Variants in SGMS1 observed in about 807,000 individuals in gnomAD.
SGMS1 encodes sphingomyelin synthase 1.
SGMS1 carries 13 observed loss-of-function variants against 46.2 expected under a neutral mutation model. The ratio of observed to expected loss-of-function variants is 0.28; its 90% confidence interval spans 0.18 to 0.45. SGMS1 has a LOEUF of 0.45. Among genes scored for constraint, SGMS1 ranks in the 20% least tolerant of loss-of-function variants. SGMS1 has a pLI of 1.00. For missense variants in SGMS1, 324 were observed against 519.9 expected (o/e 0.62, Z 3.66); for synonymous variants, 203 against 187.8 (o/e 1.08, Z -0.66).
At chr10:50,420,062 T>C (rs1005136135) in intron 6 of SGMS1, among the ~76,000 whole-genome samples, 2 of 152,144 alleles carry the variant, frequency 1.3e-5, no homozygotes, top group Non-Finnish European at 2.9e-5. Flanking sequence ...GTGTTTCCAG[T>C]TGGAAACCAA....
At chr10:50,435,601 A>G (rs192131523) in intron 5 of SGMS1, among the ~76,000 whole-genome samples, 1 of 152,340 alleles carries the variant, frequency 6.6e-6, no homozygotes, top group African/African-American at 2.4e-5. Flanking sequence ...CATTCTTCAT[A>G]TCAATACTGA....
At chr10:50,350,717 T>C (rs891403701) in intron 6 of SGMS1, among the ~76,000 whole-genome samples, 2 of 152,176 alleles carry the variant, frequency 1.3e-5, no homozygotes, top group African/African-American at 4.8e-5. Flanking sequence ...GTGTTGAGCC[T>C]GCGGGTGCAC....
intron 3 of SGMS1, among the ~76,000 whole-genome samples, chr10:50,516,485 A>G (rs183972190): frequency 2.6e-4 from 40 of 152,350 alleles, no homozygotes; most frequent in African/African-American, 9.4e-4. Context: ...TGGGAGGCAT[A>G]ACAAATTGGT....
chr10:50,548,660 C>T (rs1470117900), intron 2 of SGMS1, among the ~76,000 whole-genome samples: 1 of 152,142 alleles, frequency 6.6e-6, no homozygotes, highest in African/African-American at 2.4e-5. Flanking sequence ...GCAAAGATTT[C>T]ATGACGAAAT....
chr10:50,548,360 G>A (rs551549987), intron 2 of SGMS1, among the ~76,000 whole-genome samples: 7 of 152,248 alleles, frequency 4.6e-5, no homozygotes, highest in South Asian at 4.1e-4. Flanking sequence ...TACAAAAACA[G>A]ACACATAAAC....
chr10:50,435,900 T>C (rs1849468052), intron 5 of SGMS1, among the ~76,000 whole-genome samples: 1 of 152,360 alleles, frequency 6.6e-6, no homozygotes, highest in Admixed American at 6.5e-5. Flanking sequence ...CCAGTGATGC[T>C]GACTGCTCAG....
chr10:50,588,952 A>G (rs1838513441), intron 2 of SGMS1, among the ~76,000 whole-genome samples: 1 of 151,846 alleles, frequency 6.6e-6, no homozygotes, highest in Admixed American at 6.6e-5. Flanking sequence ...GCAGGTCTTA[A>G]ACTCCTGACT....
At position 50,311,402 on chromosome 10, in the gene SGMS1, C is replaced by G; in HGVS notation, c.755G>C (p.Trp252Ser). Residue 252 changes from tryptophan to serine, a missense_variant, in exon 9 of 11, where the codon TGG (tryptophan) becomes TCG (serine). Physicochemically the swap from Trp to Ser is radical, Grantham distance 177. This residue lies in a region of SGMS1 where 174 missense variants were observed against 350.1 expected (regional missense o/e 0.50). Transcript: ENST00000361781. ...FNCSPKLFGD[W>S]EAQLRRIMKL... The stretch of plus-strand genomic sequence containing the variant: ...CATTATTCTTCGCAGTTGGGCTTCC[C>G]AGTCTCCGAAAAGCTGGCAGAAAAA... 1 of 1,613,276 alleles carries G rather than the reference C, an allele frequency of 6.2e-7. No individual in the cohort carries two copies. Among genetic ancestry groups the G allele is most frequent in the Non-Finnish European group, 8.5e-7 (1 of 1,179,758 alleles).
At chr10:50,599,593 C>T (rs1027020120) in intron 1 of SGMS1, among the ~76,000 whole-genome samples, 2 of 152,064 alleles carry the variant, frequency 1.3e-5, no homozygotes, top group Admixed American at 6.6e-5. Flanking sequence ...ACTTAAGAAG[C>T]ACTAAGAATG....
At chr10:50,396,542 G>C (rs1363443743) in intron 6 of SGMS1, among the ~76,000 whole-genome samples, 1 of 152,204 alleles carries the variant, frequency 6.6e-6, no homozygotes, top group African/African-American at 2.4e-5. Context: ...GTTACAAATA[G>C]AAAGAATTAG....
intron 6 of SGMS1, among the ~76,000 whole-genome samples, chr10:50,402,493 C>T (rs17721658): frequency 0.22 from 33,744 of 152,092 alleles, 3,743 homozygotes; most frequent in Admixed American, 0.25. Context: ...TATAACATTA[C>T]ATGCCAAGCC....
chr10:50,352,511 T>C (rs765548490), intron 6 of SGMS1, among the ~76,000 whole-genome samples: 2 of 152,168 alleles, frequency 1.3e-5, no homozygotes, highest in African/African-American at 2.4e-5. Flanking sequence ...AAATTCTTTA[T>C]CCCAAAATAA....
At chr10:50,572,318 T>C (rs1245368404) in intron 2 of SGMS1, among the ~76,000 whole-genome samples, 2 of 152,200 alleles carry the variant, frequency 1.3e-5, no homozygotes, top group Non-Finnish European at 2.9e-5. Context: ...TGCGCCCTCC[T>C]TTTGTGAGGG....
chr10:50,336,283 G>A (rs1847716346), intron 7 of SGMS1, among the ~76,000 whole-genome samples: 1 of 152,196 alleles, frequency 6.6e-6, no homozygotes, highest in African/African-American at 2.4e-5. Context: ...TAGATAATAG[G>A]TCAGAATCAA....
chr10:50,386,018 C>T (rs1446876410), intron 6 of SGMS1, among the ~76,000 whole-genome samples: 1 of 152,060 alleles, frequency 6.6e-6, no homozygotes, highest in Non-Finnish European at 1.5e-5. Context: ...CTGCAGCTGT[C>T]TTTGCTGTTG....
chr10:50,624,480 T>G (rs1838895429), upstream of SGMS1: 6 of 610,940 alleles, frequency 9.8e-6, no homozygotes, highest in Admixed American at 6.4e-5. Flanking sequence ...GACTCTCATC[T>G]TTCTCCCACA....
chr10:50,342,688 C>G (rs1436799146), intron 7 of SGMS1: 1 of 152,182 alleles, frequency 6.6e-6, no homozygotes, highest in Non-Finnish European at 1.5e-5. Context: ...AATTTCCAAC[C>G]CTCATTCATG....
At chr10:50,553,096 C>T (rs1284246546) in intron 2 of SGMS1, among the ~76,000 whole-genome samples, 1 of 152,232 alleles carries the variant, frequency 6.6e-6, no homozygotes. Flanking sequence ...GTGCCAATCA[C>T]AGCCATGGTG....
chr10:50,323,040 C>T (rs1049767573), intron 8 of SGMS1, among the ~76,000 whole-genome samples: 6 of 152,108 alleles, frequency 3.9e-5, no homozygotes, highest in Admixed American at 3.9e-4. Context: ...ATCCACTTCC[C>T]TTTTCACTTC....
Sources: gnomAD v4.1 joint callset for allele counts (sites outside exome capture counted in the v4.1 genomes callset) on GRCh38, gnomAD v4.1.1 for gene constraint, gnomAD v4.1.1 regional missense constraint, MANE v1.5 for transcripts, NCBI Gene and HGNC (gene_info 2026-07-23, HGNC 2026-07-21) for gene names.